The following CNOT1 variants were observed in gnomAD, a reference collection of about 807,000 sequenced individuals.
The protein encoded by CNOT1 is CCR4-NOT transcription complex subunit 1.
A neutral mutation model predicts 273.8 loss-of-function variants in CNOT1; 15 were observed. That is an observed-to-expected ratio of 0.05 (90% CI 0.04 to 0.08). The LOEUF is 0.08. Among genes scored for constraint, CNOT1 ranks in the 10% least tolerant of loss-of-function variants. The pLI, the probability that CNOT1 is intolerant of heterozygous loss-of-function variation, is 1.00. For synonymous variants in CNOT1, 1,022 were observed against 1,005.5 expected, an observed-to-expected ratio of 1.02 and a Z score of -0.31; for missense variants, 1,644 against 2,912.2, an observed-to-expected ratio of 0.56 and a Z score of 10.02.
chr16:58,550,101 T>C (rs1321626678), intron 24 of CNOT1, among the ~76,000 whole-genome samples: 3 of 152,238 alleles, frequency 2.0e-5, no homozygotes, highest in East Asian at 1.9e-4. Flanking sequence ...CCATACGTGA[T>C]TGGGACTGAA....
chr16:58,607,935 G>C (rs1481949245), intron 1 of CNOT1, among the ~76,000 whole-genome samples: 1 of 151,842 alleles, frequency 6.6e-6, no homozygotes, highest in Non-Finnish European at 1.5e-5. Flanking sequence ...ACTTTGGGAG[G>C]GTGAGGCGGG....
Position 58,541,735 on chromosome 16 carries a change from T to C in CNOT1, c.4681-115A>G. ...CAGGGACACAAGAGTCATTACAACA[T>C]ATAACAGCATGATTAAGCATGCACG... is the stretch of plus-strand genomic sequence containing the variant. On this transcript the variant is annotated intron_variant, in intron 33 of 48. Transcript: ENST00000317147. 3.1e-6 allele frequency: 3 copies of C among 975,180 alleles called. No individual in the cohort carries two copies. In the East Asian group the frequency reaches 7.5e-5, roughly 24 times the overall value. 60.4% of individuals were successfully genotyped at this position (975,180 alleles called of 1,614,324 possible).
At chr16:58,565,798 A>G (rs1401694676) in intron 16 of CNOT1, among the ~76,000 whole-genome samples, 1 of 152,130 alleles carries the variant, frequency 6.6e-6, no homozygotes, top group African/African-American at 2.4e-5. Flanking sequence ...ACAAAAAATT[A>G]GCCAGGTGTG....
Position 58,542,507 on chromosome 16 carries a change from T to C in CNOT1, c.4496A>G (p.Asn1499Ser). 5.0e-6 allele frequency: 8 copies of C among 1,611,016 alleles called. No individual in the cohort carries two copies. The highest frequency in any genetic ancestry group is 5.9e-6 in the Non-Finnish European group (7 of 1,178,952). Residue 1499 changes from asparagine (N) to serine (S), a missense_variant, in exon 32 of 49, where the codon AAT becomes AGT. By Grantham distance (46) the Asn-to-Ser change is conservative. Transcript: ENST00000317147. ...DQAAAQLAQD[N>S]CELACCFIQK... ...AATAAAACAGCAAGCCAACTCACAA[T>C]TGTCCTGAGCTAATTGAGCAGCTGC...
intron 16 of CNOT1, among the ~76,000 whole-genome samples, chr16:58,574,081 T>C (rs2041379402): frequency 6.6e-6 from 1 of 151,464 alleles, no homozygotes; most frequent in Non-Finnish European, 1.5e-5. Context: ...TGAAACCTCA[T>C]CTCTACAAAA....
intron 22 of CNOT1, among the ~76,000 whole-genome samples, chr16:58,552,843 A>G (rs1461745373): frequency 6.6e-6 from 1 of 152,252 alleles, no homozygotes; most frequent in Non-Finnish European, 1.5e-5. Flanking sequence ...AAAGGTATAG[A>G]TAATGCTTAC....
At chr16:58,592,859 C>G (rs781305895) in intron 2 of CNOT1, among the ~76,000 whole-genome samples, 4 of 152,078 alleles carry the variant, frequency 2.6e-5, no homozygotes, top group Admixed American at 6.6e-5. Context: ...GAATCAAGAT[C>G]AAGATATCAT....
At chr16:58,606,753 G>A (rs1334357653) in intron 1 of CNOT1, among the ~76,000 whole-genome samples, 1 of 151,550 alleles carries the variant, frequency 6.6e-6, no homozygotes. Flanking sequence ...GCAGTGAGCT[G>A]AGATCAAACC....
intron 19 of CNOT1, 105 bp from the exon 20 acceptor site, chr16:58,556,013 T>C: frequency 1.3e-6 from 2 of 1,515,708 alleles, no homozygotes; most frequent in Non-Finnish European, 8.7e-7. Flanking sequence ...TCAAGGGAAA[T>C]ATAAAAAAAC....
chr16:58,613,427 A>C (rs2152037201), intron 1 of CNOT1, among the ~76,000 whole-genome samples: 1 of 125,104 alleles, frequency 8.0e-6, no homozygotes, highest in Admixed American at 7.9e-5. Flanking sequence ...ATCAATAAGC[A>C]TCTCCACTCT....
intron 16 of CNOT1, among the ~76,000 whole-genome samples, chr16:58,567,224 G>T (rs1045252131): frequency 6.6e-6 from 1 of 152,070 alleles, no homozygotes; most frequent in Admixed American, 6.6e-5. Context: ...TAACCCCAGC[G>T]CTTTAGGATG....
chr16:58,574,333 T>A (rs1034824105), intron 16 of CNOT1, among the ~76,000 whole-genome samples: 1 of 151,668 alleles, frequency 6.6e-6, no homozygotes, highest in African/African-American at 2.4e-5. Context: ...TTTTTGAGAA[T>A]AATTCAAAAG....
intron 1 of CNOT1, among the ~76,000 whole-genome samples, chr16:58,622,002 G>T (rs146847329): frequency 6.7e-6 from 1 of 148,746 alleles, no homozygotes; most frequent in Non-Finnish European, 1.5e-5. Flanking sequence ...ATCTATCAGC[G>T]TAGATTCATC....
chr16:58,573,942 A>T (rs1386128930), intron 16 of CNOT1, among the ~76,000 whole-genome samples: 1 of 152,102 alleles, frequency 6.6e-6, no homozygotes, highest in Non-Finnish European at 1.5e-5. Flanking sequence ...TGAGACACAG[A>T]TCAACAGAAT....
chr16:58,592,527 A>G (rs1431980128), intron 2 of CNOT1, among the ~76,000 whole-genome samples: 1 of 152,122 alleles, frequency 6.6e-6, no homozygotes, highest in African/African-American at 2.4e-5. Context: ...GCAGCGTGCC[A>G]TGAATGTGTC....
Position 58,588,917 on chromosome 16 carries a change from CA to C in CNOT1, c.103-12del. 2 of 1,585,856 alleles carry C rather than the reference CA, an allele frequency of 1.3e-6. No individual in the cohort carries two copies. Among genetic ancestry groups the C allele is most frequent in the Non-Finnish European group, 1.7e-6 (2 of 1,167,380 alleles). On this transcript the variant is annotated splice_polypyrimidine_tract_variant and intron_variant, in intron 2 of 48. Transcript: ENST00000317147. ...GTGCCGATTCACAATCTAAAATGAC[CA>C]AAAATAACATGTTTAATAAGGGAAG... is the stretch of plus-strand genomic sequence containing the variant.
At chr16:58,565,375 A>G (rs2041004624) in intron 16 of CNOT1, among the ~76,000 whole-genome samples, 1 of 152,146 alleles carries the variant, frequency 6.6e-6, no homozygotes, top group South Asian at 2.1e-4. Flanking sequence ...TCAGCCTCCT[A>G]AAGTGCTGGA....
chr16:58,610,424 C>T (rs1456104245), intron 1 of CNOT1, among the ~76,000 whole-genome samples: 1 of 151,918 alleles, frequency 6.6e-6, no homozygotes, highest in Non-Finnish European at 1.5e-5. Context: ...AATAAATAGG[C>T]CAGGCGCGGT....
intron 16 of CNOT1, among the ~76,000 whole-genome samples, chr16:58,568,250 C>T (rs186122858): frequency 6.6e-6 from 1 of 152,022 alleles, no homozygotes; most frequent in South Asian, 2.1e-4. Context: ...TGCCTGTAAT[C>T]CTAGCTACTC....
Sources: gnomAD v4.1 joint callset for allele counts (sites outside exome capture counted in the v4.1 genomes callset) on GRCh38, gnomAD v4.1.1 for gene constraint, MANE v1.5 for transcripts, NCBI Gene and HGNC (gene_info 2026-07-23, HGNC 2026-07-21) for gene names.